Variants in TMEM71 observed in about 807,000 individuals in gnomAD.
TMEM71 encodes the protein transmembrane protein 71.
TMEM71 carries 44 observed loss-of-function variants against 38.0 expected under a neutral mutation model. That is an observed-to-expected ratio of 1.16 (90% confidence interval 0.91 to 1.49). The LOEUF is 1.49. TMEM71 is among the 40% of genes most tolerant of loss of function. The pLI, the probability that TMEM71 is intolerant of heterozygous loss-of-function variation, is 0.00. For synonymous variants in TMEM71, 133 were observed against 122.5 expected (o/e 1.09, Z -0.56); for missense variants, 367 against 348.6 (o/e 1.05, Z -0.42).
At chr8:132,727,328 C>T (rs999224206) in intron 6 of TMEM71, among the ~76,000 whole-genome samples, 2 of 151,324 alleles carry the variant, frequency 1.3e-5, no homozygotes, top group Non-Finnish European at 2.9e-5. Flanking sequence ...GCGATCTCAG[C>T]TCACTGCAAC....
At chr8:132,774,314 G>A in the TMEM71 span, among the ~76,000 whole-genome samples, 1 of 152,320 alleles carries the variant, frequency 6.6e-6, no homozygotes, top group African/African-American at 2.4e-5. Flanking sequence ...ATATCCACTA[G>A]AGACTGTCTT....
chr8:132,720,043 T>A (rs1464640782), intron 7 of TMEM71, among the ~76,000 whole-genome samples: 1 of 152,202 alleles, frequency 6.6e-6, no homozygotes, highest in Non-Finnish European at 1.5e-5. Context: ...TAATTTTTTT[T>A]TTCTGCTATT....
At chr8:132,715,178 G>T (rs113188508) in intron 7 of TMEM71, among the ~76,000 whole-genome samples, 1 of 151,620 alleles carries the variant, frequency 6.6e-6, no homozygotes, top group African/African-American at 2.4e-5. Context: ...AGGCCGAGGC[G>T]GGCGGATCAC....
chr8:132,734,138 C>T (rs144118886), intron 5 of TMEM71, among the ~76,000 whole-genome samples: 9 of 151,570 alleles, frequency 5.9e-5, no homozygotes, highest in East Asian at 2.0e-4. Flanking sequence ...TAAGGTAGCT[C>T]TCATGTTATG....
chr8:132,725,411 A>G (rs560353202), intron 6 of TMEM71, among the ~76,000 whole-genome samples: 90 of 152,300 alleles, frequency 5.9e-4, no homozygotes, highest in African/African-American at 2.0e-3. Flanking sequence ...AGTAACACAG[A>G]CACAGAAGAG....
chr8:132,750,994 T>C (rs1351154753), intron 4 of TMEM71, among the ~76,000 whole-genome samples: 1 of 152,206 alleles, frequency 6.6e-6, no homozygotes, highest in Admixed American at 6.5e-5. Context: ...TACCTTGCCT[T>C]CATTTTTCCC....
intron 4 of TMEM71, among the ~76,000 whole-genome samples, chr8:132,749,192 C>T (rs564413828): frequency 3.3e-5 from 5 of 152,184 alleles, no homozygotes; most frequent in Admixed American, 2.6e-4. Context: ...AATAGCCTGG[C>T]CTGGGGAATG....
intron 6 of TMEM71, among the ~76,000 whole-genome samples, chr8:132,725,052 T>C (rs943692379): frequency 2.6e-5 from 4 of 151,666 alleles, no homozygotes; most frequent in African/African-American, 9.7e-5. Context: ...TTTTCTTTTT[T>C]TTTTTTAACA....
Position 132,722,056 on chromosome 8 carries a change from T to A in TMEM71, c.736A>T (p.Ile246Phe), listed in dbSNP as rs771276575. Residue 246 changes from isoleucine to phenylalanine, a missense_variant, in exon 7 of 10, where the codon ATT becomes TTT. Physicochemically the swap from Ile to Phe is conservative, Grantham distance 21 (BLOSUM62 0). Coordinates refer to ENST00000677595, the MANE Select transcript of TMEM71 (RefSeq NM_001382403.1). ...QAILLAVCLI[I>F]SACARWFMGE... ...GTGAATTACCTTGCACATGCAGAAA[T>A]GATTAAGCACACAGCAAGCAGGATT... 6.2e-7 allele frequency: 1 copy of A among 1,613,968 alleles called. No individual in the cohort carries two copies. The highest frequency in any genetic ancestry group is 2.2e-5 in the East Asian group (1 of 44,880).
At chr8:132,766,411 G>C in the TMEM71 span, among the ~76,000 whole-genome samples, 1 of 150,458 alleles carries the variant, frequency 6.6e-6, no homozygotes, top group Non-Finnish European at 1.5e-5. Flanking sequence ...TGGGGGGCGG[G>C]GGGGAAAGGA....
At chr8:132,709,322 G>A (rs1826139136), downstream of TMEM71, among the ~76,000 whole-genome samples, 1 of 152,138 alleles carries the variant, frequency 6.6e-6, no homozygotes, top group South Asian at 2.1e-4. Context: ...TAACCTACTT[G>A]TAAAAATGGC....
the TMEM71 span, among the ~76,000 whole-genome samples, chr8:132,770,772 T>G: frequency 7.9e-4 from 121 of 152,290 alleles, no homozygotes; most frequent in African/African-American, 2.8e-3. Context: ...ACACTGCGGG[T>G]CTGAATATTT....
rs865832504 is a variant in TMEM71, at chr8:132,710,413, A to G, written c.*554T>C. 4 of 157,000 alleles carry G rather than the reference A, an allele frequency of 2.5e-5. No individual in the cohort carries two copies. The highest frequency in any genetic ancestry group is 7.2e-5 in the African/African-American group (3 of 41,612). 9.7% of individuals were successfully genotyped at this position (157,000 alleles called of 1,614,324 possible). A position where few individuals can be genotyped will look rare whatever the true frequency, so the allele number is the denominator to read the frequency against. ...TCCATTTTCATATTAACCATCATCTACGGTTACCACCTAATATCAAGTCAC... is the reference window on the plus strand; with the variant it reads ...TCCATTTTCATATTAACCATCATCTGCGGTTACCACCTAATATCAAGTCAC... On this transcript the variant is annotated 3_prime_UTR_variant, in exon 10 of 10. Transcript: ENST00000677595.
chr8:132,767,267 C>G, the TMEM71 span, among the ~76,000 whole-genome samples: 185 of 152,250 alleles, frequency 1.2e-3, 3 homozygotes, highest in East Asian at 0.033. Context: ...GCAACCTTCT[C>G]AACTTACTTT....
At chr8:132,774,455 TA>T in the TMEM71 span, among the ~76,000 whole-genome samples, 1 of 152,172 alleles carries the variant, frequency 6.6e-6, no homozygotes, top group South Asian at 2.1e-4. Flanking sequence ...GTTTGTTGAA[TA>T]AAAAAAGAAT....
chr8:132,732,028 C>G (rs1827487155), intron 5 of TMEM71, among the ~76,000 whole-genome samples: 2 of 152,206 alleles, frequency 1.3e-5, no homozygotes, highest in South Asian at 4.1e-4. Flanking sequence ...CCAGGCAGAT[C>G]TATTTATTCA....
chr8:132,743,635 C>T (rs1192465855), intron 5 of TMEM71, among the ~76,000 whole-genome samples: 3 of 152,190 alleles, frequency 2.0e-5, no homozygotes, highest in Non-Finnish European at 4.4e-5. Flanking sequence ...TGTATACCCT[C>T]TTTCTAATCC....
At chr8:132,714,820 A>G (rs1356283457) in intron 7 of TMEM71, among the ~76,000 whole-genome samples, 2 of 152,234 alleles carry the variant, frequency 1.3e-5, no homozygotes, top group Non-Finnish European at 2.9e-5. Flanking sequence ...TATCTAATCA[A>G]GGACTTCTAT....
intron 4 of TMEM71, among the ~76,000 whole-genome samples, chr8:132,748,238 G>A (rs537875830): frequency 1.2e-4 from 19 of 152,282 alleles, no homozygotes; most frequent in African/African-American, 4.3e-4. Flanking sequence ...CTTTCCCTTG[G>A]TGGTTAAGAT....
Sources: gnomAD v4.1 joint callset for allele counts (sites outside exome capture counted in the v4.1 genomes callset) on GRCh38, gnomAD v4.1.1 for gene constraint, MANE v1.5 for transcripts, NCBI Gene and HGNC (gene_info 2026-07-23, HGNC 2026-07-21) for gene names.